The following DTNA variants were observed in gnomAD, a reference collection of about 807,000 sequenced individuals.
DTNA encodes the protein dystrophin-related protein 3.
A neutral mutation model predicts 100.7 loss-of-function variants in DTNA; 43 were observed. The ratio of observed to expected loss-of-function variants is 0.43; its 90% CI spans 0.33 to 0.55. The LOEUF (loss-of-function observed/expected upper bound fraction) is 0.55, where lower values mean the gene tolerates loss of function less well. DTNA is among the 20% of genes least tolerant of loss of function. The pLI is 0.04. For synonymous variants in DTNA, 349 were observed against 347.9 expected, an observed-to-expected ratio of 1.00 and a Z score of -0.04; for missense variants, 798 against 953.9, an observed-to-expected ratio of 0.84 and a Z score of 2.15.
In DTNA at chr18:34,652,089, AGG is replaced by A. The variant is rs199969089; in HGVS notation, c.-1-103886_-1-103885del. Among the ~76,000 whole-genome samples, 692 of 151,502 alleles carry A rather than the reference AGG, an allele frequency of 4.6e-3. 6 individuals are homozygous for A. Among genetic ancestry groups the A allele is most frequent in the African/African-American group, 0.016 (643 of 41,230 alleles). The stretch of plus-strand genomic sequence containing the variant: ...TCAAAAGAAAGAAAAGAAAAAAGGA[AGG>A]AAGGAAGGAAGGTAGGAAGGAAGGA... On this transcript the variant is annotated intron_variant, in intron 1 of 19. Transcript: ENST00000283365.
rs1019480854 is a variant in DTNA, at chr18:34,631,573, G to A, written c.-1-124403G>A. On this transcript the variant is annotated intron_variant, in intron 1 of 19. Coordinates refer to the DTNA transcript ENST00000283365. ...ACAAAAAAGCAAATAGTTTTAAGAA[G>A]CAAAGTGATTAAAAGATCTAAATAC... is the stretch of plus-strand genomic sequence containing the variant. Among the ~76,000 whole-genome samples the A allele has an allele frequency of 7.9e-5, 12 of 152,236 alleles. No homozygotes were observed. The East Asian group carries it at 2.3e-3, about 29-fold the overall frequency.
upstream of DTNA, among the ~76,000 whole-genome samples, chr18:34,707,203 G>T (rs1002908325): frequency 5.3e-5 from 8 of 152,136 alleles, no homozygotes; most frequent in African/African-American, 1.4e-4. Flanking sequence ...AGAGGGCAGT[G>T]AAGCATATAA....
intron 6 of DTNA, chr18:34,815,674 T>TC: frequency 2.1e-6 from 1 of 482,836 alleles, no homozygotes; most frequent in South Asian, 2.1e-5. Flanking sequence ...CTGGTGATAC[T>TC]ATTGACTCAG....
chr18:34,658,249 C>G (rs772159561), intron 1 of DTNA, among the ~76,000 whole-genome samples: 1 of 152,154 alleles, frequency 6.6e-6, no homozygotes, highest in South Asian at 2.1e-4. Context: ...AAATCAGACT[C>G]AAAGCACAAA....
chr18:34,626,489 C>A (rs1473134000), intron 1 of DTNA, among the ~76,000 whole-genome samples: 2 of 152,008 alleles, frequency 1.3e-5, no homozygotes, highest in Non-Finnish European at 2.9e-5. Flanking sequence ...AGGCTGTTTT[C>A]TGTTTGTTGG....
rs750776064 is a variant in DTNA, at chr18:34,812,048, G to A, written c.538G>A (p.Ala180Thr). ...FLREVLKLPT[A>T]VFEGPSFGYT... Reference sequence around the variant, plus strand: ...TCGGGAAGTTCTCAAACTACCCACGGCAGTTTTTGAAGGTCCTTCATTTGG... The same window carrying A: ...TCGGGAAGTTCTCAAACTACCCACGACAGTTTTTGAAGGTCCTTCATTTGG... Residue 180 changes from alanine to threonine, a missense_variant, in exon 6 of 23, where the codon GCA becomes ACA. This residue lies in a region of DTNA where 81 missense variants were observed against 153.5 expected (regional missense o/e 0.53). Coordinates refer to ENST00000444659, the MANE Select transcript of DTNA (RefSeq NM_001386795.1). 1.2e-6 allele frequency: 2 copies of A among 1,614,058 alleles called. No homozygotes were observed. Among genetic ancestry groups the A allele is most frequent in the East Asian group, 2.2e-5 (1 of 44,862 alleles).
chr18:34,797,329 G>A (rs1435800152), intron 4 of DTNA, among the ~76,000 whole-genome samples: 2 of 152,142 alleles, frequency 1.3e-5, no homozygotes, highest in Non-Finnish European at 2.9e-5. Context: ...TGCCTGAGAA[G>A]GATGGGAAAA....
intron 1 of DTNA, among the ~76,000 whole-genome samples, chr18:34,620,391 A>G (rs1021780678): frequency 6.6e-6 from 1 of 152,240 alleles, no homozygotes; most frequent in East Asian, 1.9e-4. Context: ...ATTTGAATAC[A>G]CAGAAAATAG....
chr18:34,663,930 T>G (rs1309997395), intron 1 of DTNA, among the ~76,000 whole-genome samples: 1 of 152,190 alleles, frequency 6.6e-6, no homozygotes, highest in Non-Finnish European at 1.5e-5. Context: ...CATAAAATCA[T>G]ATATAGATTT....
chr18:34,836,713 A>G (rs2096157063), intron 11 of DTNA, among the ~76,000 whole-genome samples: 1 of 151,828 alleles, frequency 6.6e-6, no homozygotes, highest in Admixed American at 6.6e-5. Context: ...GTACAGCAAT[A>G]CTTTATATAA....
chr18:34,801,939 G>A lies in DTNA; in HGVS notation c.363-4280G>A, dbSNP rs1482906193. Among the ~76,000 whole-genome samples the A allele has an allele frequency of 2.0e-5, 3 of 152,322 alleles. No individual in the cohort carries two copies. In the East Asian group the frequency reaches 5.8e-4, roughly 29 times the overall value. On this transcript the variant is annotated intron_variant, in intron 4 of 22. Coordinates refer to ENST00000444659, the MANE Select transcript of DTNA (RefSeq NM_001386795.1). ...CAAAGAAAGACTTACATGGCCATGT[G>A]ATTGACCACATCACAGACTCCTAAG...
intron 17 of DTNA, among the ~76,000 whole-genome samples, chr18:34,865,013 C>T (rs932801534): frequency 7.9e-5 from 12 of 152,216 alleles, no homozygotes; most frequent in Non-Finnish European, 1.6e-4. Context: ...TGTCTACAGT[C>T]AGCCCATGTG....
At chr18:34,562,456 T>A (rs912057973) in intron 1 of DTNA, among the ~76,000 whole-genome samples, 8 of 152,336 alleles carry the variant, frequency 5.3e-5, no homozygotes, top group Admixed American at 2.6e-4. Flanking sequence ...GACTTCGTCC[T>A]CAGTCAGAAG....
intron 1 of DTNA, among the ~76,000 whole-genome samples, chr18:34,653,177 C>G (rs1053314372): frequency 1.3e-5 from 2 of 152,060 alleles, no homozygotes; most frequent in Non-Finnish European, 2.9e-5. Context: ...TATGCATTTA[C>G]TCATGCTTTT....
chr18:34,761,578 G>T lies in DTNA; in HGVS notation c.68-4383G>T, dbSNP rs536143803. Among the ~76,000 whole-genome samples, 7 of 152,246 alleles carry T rather than the reference G, an allele frequency of 4.6e-5. No homozygotes were observed. The South Asian group carries it at 1.5e-3, about 32-fold the overall frequency. Reference sequence around the variant, plus strand: ...TCTTTTCAAAAAGGGCTAAAGAAAGGAAAAACTGCTGTTGATAACAGTGTA... The same window carrying T: ...TCTTTTCAAAAAGGGCTAAAGAAAGTAAAAACTGCTGTTGATAACAGTGTA... On this transcript the variant is annotated intron_variant, in intron 2 of 22. Coordinates refer to ENST00000444659, the MANE Select transcript of DTNA (RefSeq NM_001386795.1).
intron 1 of DTNA, among the ~76,000 whole-genome samples, chr18:34,512,750 T>C (rs997216171): frequency 1.3e-5 from 2 of 152,084 alleles, no homozygotes; most frequent in African/African-American, 4.8e-5. Context: ...TGGTATATCC[T>C]TGCATTGATA....
intron 1 of DTNA, among the ~76,000 whole-genome samples, chr18:34,553,267 T>G (rs2145991415): frequency 6.6e-6 from 1 of 151,922 alleles, no homozygotes; most frequent in South Asian, 2.1e-4. Flanking sequence ...TCATTCTAGA[T>G]TCTGGATATT....
chr18:34,500,527 G>A (rs1017109283), intron 1 of DTNA, among the ~76,000 whole-genome samples: 6 of 151,200 alleles, frequency 4.0e-5, no homozygotes, highest in Non-Finnish European at 7.4e-5. Flanking sequence ...GCAATAGCAC[G>A]ATCTATGCCC....
At chr18:34,721,406 G>C (rs2085286782) in intron 1 of DTNA, among the ~76,000 whole-genome samples, 1 of 152,040 alleles carries the variant, frequency 6.6e-6, no homozygotes, top group African/African-American at 2.4e-5. Context: ...TACTCCTCCA[G>C]AGCAATCATT....
Sources: allele counts gnomAD v4.1 joint callset (sites outside exome capture counted in the v4.1 genomes callset), GRCh38; gene constraint gnomAD v4.1.1; regional missense constraint gnomAD v4.1.1; transcripts MANE v1.5; gene names NCBI Gene and HGNC (gene_info 2026-07-23, HGNC 2026-07-21).